Variants in CCNG1 observed in about 807,000 individuals in gnomAD.
The protein encoded by CCNG1 is cyclin-G1.
A neutral mutation model predicts 30.0 loss-of-function variants in CCNG1; 13 were observed. The observed-to-expected ratio is 0.43, with a 90% confidence interval of 0.28 to 0.69. The LOEUF is 0.69. Among genes scored for constraint, CCNG1 ranks in the 30% least tolerant of loss-of-function variants. The pLI is 0.16. For missense variants in CCNG1, 285 were observed against 331.4 expected, an observed-to-expected ratio of 0.86 and a Z score of 1.09; for synonymous variants, 110 against 121.5, an observed-to-expected ratio of 0.91 and a Z score of 0.62.
the CCNG1 span, among the ~76,000 whole-genome samples, chr5:163,456,463 A>G: frequency 6.6e-6 from 1 of 152,036 alleles, no homozygotes; most frequent in African/African-American, 2.4e-5. Context: ...AAAGAGACCC[A>G]CAGCATATTA....
At chr5:163,442,186 AG>A (rs1757850352) in intron 5 of CCNG1, 43 bp downstream of exon 5, 1 of 1,352,430 alleles carries the variant, frequency 7.4e-7, no homozygotes, top group Non-Finnish European at 1.0e-6. Flanking sequence ...CAGCTGTAAA[AG>A]AAACTAAACC....
intron 6 of CCNG1, among the ~76,000 whole-genome samples, chr5:163,443,274 T>A (rs571378148): frequency 7.5e-6 from 1 of 133,024 alleles, no homozygotes; most frequent in East Asian, 2.2e-4. Context: ...ATCGCGCCAC[T>A]ACACTCCAGC....
chr5:163,441,194 T>C lies in CCNG1; in HGVS notation c.381T>C (p.Tyr127=), dbSNP rs368199276. ...LATDLIRISQ[Y]RFTVSDLMRM... is the part of the protein sequence containing the mutation. ...CTGACTTGATCCGAATAAGTCAATA[T>C]AGGTTTACGGTTTCAGACTTGATGA... The change falls in exon 3 of 7, where the codon TAT becomes TAC. Residue 127 remains tyrosine, a synonymous_variant. Coordinates refer to ENST00000340828, the MANE Select transcript of CCNG1 (RefSeq NM_004060.4). 6.2e-7 allele frequency: 1 copy of C among 1,614,008 alleles called. No homozygotes were observed. Among genetic ancestry groups the C allele is most frequent in the Non-Finnish European group, 8.5e-7 (1 of 1,179,912 alleles).
At chr5:163,447,517 G>C (rs1227315609), downstream of CCNG1, 1 of 150,782 alleles carries the variant, frequency 6.6e-6, no homozygotes, top group African/African-American at 2.4e-5. Flanking sequence ...TTCATTTACA[G>C]TTGGAAACTT....
In CCNG1 at chr5:163,442,066, A is replaced by G. The variant is rs879200861; in HGVS notation, c.619A>G (p.Ile207Val). 1 of 1,612,374 alleles carries G rather than the reference A, an allele frequency of 6.2e-7. No homozygotes were observed. Residue 207 changes from isoleucine to valine, a missense_variant, in exon 5 of 7, where the codon ATC (isoleucine) becomes GTC (valine). Physicochemically the swap from Ile to Val is conservative, Grantham distance 29. Transcript: ENST00000340828. The part of the protein sequence containing the change: ...KAKPSVLALS[I>V]IALEIQAQKC... Reference sequence around the variant, plus strand: ...TTAGCCTTCTGTGTTGGCATTGTCTATCATTGCATTAGAGATCCAAGCACA... The same window carrying G: ...TTAGCCTTCTGTGTTGGCATTGTCTGTCATTGCATTAGAGATCCAAGCACA...
chr5:163,444,327 T>G lies in CCNG1; in HGVS notation c.*657T>G, dbSNP rs1757970395. On this transcript the variant is annotated 3_prime_UTR_variant, in exon 7 of 7. Coordinates refer to ENST00000340828, the MANE Select transcript of CCNG1 (RefSeq NM_004060.4). ...TATTCATTAAGTTATCTTTTAATATTTTTTTCTAGAAAACAGGTGACATTT... is the reference window on the plus strand; with the variant it reads ...TATTCATTAAGTTATCTTTTAATATGTTTTTCTAGAAAACAGGTGACATTT... 1 of 152,578 alleles carries G rather than the reference T, an allele frequency of 6.6e-6. No homozygotes were observed. Among genetic ancestry groups the G allele is most frequent in the South Asian group, 2.1e-4 (1 of 4,826 alleles). The allele number at this position is 152,578 out of a possible 1,614,324, so 9.5% of individuals were successfully genotyped here. A position where few individuals can be genotyped will look rare whatever the true frequency, so the allele number is the denominator to read the frequency against.
the CCNG1 span, among the ~76,000 whole-genome samples, chr5:163,456,514 G>T: frequency 1.3e-5 from 2 of 152,092 alleles, no homozygotes; most frequent in Non-Finnish European, 2.9e-5. Context: ...CACACAGTGT[G>T]ATCCTCCATT....
chr5:163,449,950 T>C (rs992314374), downstream of CCNG1: 1 of 152,162 alleles, frequency 6.6e-6, no homozygotes, highest in African/African-American at 2.4e-5. Context: ...ATTTATAAAA[T>C]TTTTAGAAGA....
downstream of CCNG1, chr5:163,445,960 G>A (rs1394856329): frequency 6.6e-6 from 1 of 152,074 alleles, no homozygotes; most frequent in Non-Finnish European, 1.5e-5. Flanking sequence ...CAACACTTCA[G>A]CAGCGTGGTT....
Position 163,442,458 on chromosome 5 carries a change from A to G in CCNG1, c.781A>G (p.Asn261Asp), listed in dbSNP as rs1441438376. The change falls in exon 6 of 7, where the codon AAT (asparagine) becomes GAT (aspartate). Residue 261 changes from asparagine (N) to aspartate (D), a missense_variant. Transcript: ENST00000340828. ...EYSSNKCSKP[N>D]VQKLKWIVSG... is the part of the protein sequence containing the mutation. Reference sequence around the variant, plus strand: ...TTCATCAAATAAGTGTTCCAAACCAAATGTTCAGAAGTTGAAATGGATTGT... The same window carrying G: ...TTCATCAAATAAGTGTTCCAAACCAGATGTTCAGAAGTTGAAATGGATTGT... 1 of 1,614,074 alleles carries G rather than the reference A, an allele frequency of 6.2e-7. No individual in the cohort carries two copies. The highest frequency in any genetic ancestry group is 8.5e-7 in the Non-Finnish European group (1 of 1,179,918).
chr5:163,442,927 A>G (rs190782335), intron 6 of CCNG1, among the ~76,000 whole-genome samples: 2 of 152,338 alleles, frequency 1.3e-5, no homozygotes, highest in African/African-American at 4.8e-5. Context: ...GCAGGACAAC[A>G]GCACCAAAAG....
At chr5:163,454,004 G>A in the CCNG1 span, 3 of 1,562,254 alleles carry the variant, frequency 1.9e-6, no homozygotes, top group African/African-American at 1.4e-5. Context: ...TCCACCTTTA[G>A]TGTAGTTTCC....
chr5:163,441,685 G>A, intron 3 of CCNG1: 1 of 534,446 alleles, frequency 1.9e-6, no homozygotes, highest in Non-Finnish European at 3.3e-6. Flanking sequence ...TAATTTTTTG[G>A]CCCAAATCAT....
the CCNG1 span, chr5:163,456,967 T>G: frequency 6.2e-7 from 1 of 1,612,420 alleles, no homozygotes; most frequent in Non-Finnish European, 8.5e-7. Context: ...TTTCTCTGCA[T>G]TTGGTCTTGC....
At chr5:163,451,655 G>A in the CCNG1 span, 3 of 152,236 alleles carry the variant, frequency 2.0e-5, no homozygotes, top group African/African-American at 7.2e-5. Context: ...ATGGCCTGGA[G>A]TGAGGTATTA....
the CCNG1 span, chr5:163,457,576 C>T: frequency 1.3e-6 from 2 of 1,577,818 alleles, no homozygotes; most frequent in Non-Finnish European, 1.7e-6. Flanking sequence ...AGTCCATGTT[C>T]CCTCATCAGC....
In CCNG1 at chr5:163,444,520, C is replaced by T. The variant is rs1033622254; in HGVS notation, c.*850C>T. On this transcript the variant is annotated 3_prime_UTR_variant, in exon 7 of 7. Transcript: ENST00000340828. ...AGATTGAACACTCCAGAATTTTTTA[C>T]TACAGACTGTTTTTAAGTTAGAAGT... The T allele has an allele frequency of 6.6e-6, 1 of 152,582 alleles. No homozygotes were observed. The highest frequency in any genetic ancestry group is 1.5e-5 in the Non-Finnish European group (1 of 68,020). 9.5% of individuals were successfully genotyped at this position (152,582 alleles called of 1,614,324 possible). A position where few individuals can be genotyped will look rare whatever the true frequency, so the allele number is the denominator to read the frequency against.
At chr5:163,453,876 G>A in the CCNG1 span, 1 of 575,298 alleles carries the variant, frequency 1.7e-6, no homozygotes, top group Non-Finnish European at 3.0e-6. Flanking sequence ...TTAACTGTAG[G>A]CATCCGCATT....
intron 6 of CCNG1, among the ~76,000 whole-genome samples, chr5:163,442,881 G>A (rs1379748023): frequency 6.6e-6 from 1 of 152,134 alleles, no homozygotes; most frequent in Non-Finnish European, 1.5e-5. Context: ...TGATCTTGCT[G>A]TATGTATCTG....
Sources: gnomAD v4.1 joint callset for allele counts (sites outside exome capture counted in the v4.1 genomes callset) on GRCh38, gnomAD v4.1.1 for gene constraint, MANE v1.5 for transcripts, NCBI Gene and HGNC (gene_info 2026-07-23, HGNC 2026-07-21) for gene names.